The following IPP variants were observed in gnomAD, a reference collection of about 807,000 sequenced individuals.
IPP encodes intracisternal A particle-promoted polypeptide.
A neutral mutation model predicts 64.1 loss-of-function variants in IPP; 41 were observed. The observed-to-expected ratio is 0.64, with a 90% confidence interval of 0.50 to 0.83. IPP has a LOEUF of 0.83. IPP is among the 40% of genes least tolerant of loss of function. The pLI is 0.00. For missense variants in IPP, 649 were observed against 703.0 expected (o/e 0.92, Z 0.87); for synonymous variants, 214 against 235.2 (o/e 0.91, Z 0.83).
chr1:45,722,436 A>G (rs1645745948), intron 5 of IPP, among the ~76,000 whole-genome samples: 1 of 151,986 alleles, frequency 6.6e-6, no homozygotes, highest in African/African-American at 2.4e-5. Context: ...CTGTAATCCC[A>G]GCTACTTGGG....
At chr1:45,730,597 C>T (rs574815824) in intron 3 of IPP, among the ~76,000 whole-genome samples, 14 of 152,308 alleles carry the variant, frequency 9.2e-5, no homozygotes, top group Admixed American at 8.5e-4. Flanking sequence ...GTTGTCCTTG[C>T]TCAAGCATGC....
Position 45,698,871 on chromosome 1 carries a change from A to T in IPP, c.*1095T>A. On this transcript the variant is annotated 3_prime_UTR_variant, in exon 9 of 9. Coordinates refer to ENST00000396478, the MANE Select transcript of IPP (RefSeq NM_005897.3). ...GCAGATGGGACCACAGGTACAAGCC[A>T]CAACGCCCGGCTAATTTTTATATAT... 1 of 299,470 alleles carries T rather than the reference A, an allele frequency of 3.3e-6. No homozygotes were observed. Among genetic ancestry groups the T allele is most frequent in the Non-Finnish European group, 4.9e-6 (1 of 203,146 alleles). The allele number at this position is 299,470 out of a possible 1,614,324, so 18.6% of individuals were successfully genotyped here.
chr1:45,745,386 T>C (rs1375445549), intron 2 of IPP, among the ~76,000 whole-genome samples: 1 of 152,130 alleles, frequency 6.6e-6, no homozygotes, highest in African/African-American at 2.4e-5. Context: ...TCAAACAAAA[T>C]AGGGGTTTAT....
At position 45,746,229 on chromosome 1, in the gene IPP, G is replaced by A; in HGVS notation, c.183C>T (p.Tyr61=). ...HRLVLAASSP[Y]FAALFTGGMK... ...TTCCTCCAGTGAACAAAGCTGCAAA[G>A]TAAGGACTGCTGGCAGCCAAAACCA... is the stretch of plus-strand genomic sequence containing the variant. The change falls in exon 2 of 9, where the codon TAC becomes TAT. Residue 61 remains tyrosine, a synonymous_variant. Coordinates refer to ENST00000396478, the MANE Select transcript of IPP (RefSeq NM_005897.3). The A allele has an allele frequency of 6.2e-7, 1 of 1,614,150 alleles. No individual in the cohort carries two copies. The highest frequency in any genetic ancestry group is 8.5e-7 in the Non-Finnish European group (1 of 1,180,008).
chr1:45,724,663 G>T (rs1473030660), intron 5 of IPP, among the ~76,000 whole-genome samples: 2 of 142,100 alleles, frequency 1.4e-5, no homozygotes, highest in East Asian at 4.2e-4. Flanking sequence ...CGCCTCTGCC[G>T]GGCCGCAACC....
chr1:45,696,075 T>A (rs986887824), downstream of IPP, among the ~76,000 whole-genome samples: 2 of 152,240 alleles, frequency 1.3e-5, no homozygotes, highest in Non-Finnish European at 2.9e-5. Context: ...ATGAATGCTA[T>A]ACAAATTTAA....
In IPP at chr1:45,741,190, G is replaced by T. The variant is rs1646060562; in HGVS notation, c.435C>A (p.Phe145Leu). 6.2e-7 allele frequency: 1 copy of T among 1,614,024 alleles called. No homozygotes were observed. Among genetic ancestry groups the T allele is most frequent in the African/African-American group, 1.3e-5 (1 of 74,916 alleles). ...DPLNCIGIFQFSEQIACHDLL... is the reference protein window; with the variant it reads ...DPLNCIGIFQLSEQIACHDLL... ...GATCATGGCAGGCAATTTGCTCAGA[G>T]AACTGAAAAATTCCAATGCAGTTCA... Residue 145 changes from phenylalanine (F) to leucine (L), a missense_variant, in exon 3 of 9, where the codon TTC (phenylalanine) becomes TTA (leucine). Phe to Leu is a conservative substitution (Grantham distance 22). Transcript: ENST00000396478.
At chr1:45,731,418 T>C (rs930080616) in intron 3 of IPP, among the ~76,000 whole-genome samples, 1 of 152,190 alleles carries the variant, frequency 6.6e-6, no homozygotes, top group African/African-American at 2.4e-5. Context: ...ACAGTGTGAG[T>C]GACAGAGTGA....
At chr1:45,724,112 C>A (rs901874954) in intron 5 of IPP, among the ~76,000 whole-genome samples, 4 of 151,972 alleles carry the variant, frequency 2.6e-5, no homozygotes, top group Non-Finnish European at 5.9e-5. Context: ...CTGCCGAGCG[C>A]CTGCAATTGC....
At chr1:45,723,008 T>C (rs1039338739) in intron 5 of IPP, among the ~76,000 whole-genome samples, 6 of 152,192 alleles carry the variant, frequency 3.9e-5, no homozygotes, top group Admixed American at 2.0e-4. Context: ...CAGTGTTTCT[T>C]TCTGGGGTGA....
chr1:45,706,553 G>T (rs1013452316), intron 8 of IPP, among the ~76,000 whole-genome samples: 17 of 152,064 alleles, frequency 1.1e-4, no homozygotes, highest in African/African-American at 3.4e-4. Flanking sequence ...AGGTTGAAAC[G>T]ATTCTCCTCC....
chr1:45,724,231 GCCTTCGCCTC>G (rs1645774256), intron 5 of IPP, among the ~76,000 whole-genome samples: 1 of 152,220 alleles, frequency 6.6e-6, no homozygotes, highest in Admixed American at 6.5e-5. Context: ...TGATCCGCCA[GCCTTCGCCTC>G]CCGAGGTGCC....
chr1:45,740,441 C>T (rs1370292671), intron 3 of IPP, among the ~76,000 whole-genome samples: 2 of 152,128 alleles, frequency 1.3e-5, no homozygotes, highest in Admixed American at 6.5e-5. Context: ...GGCGGCTGGC[C>T]GGGCGGGGGG....
intron 4 of IPP, 84 bp downstream of exon 4, chr1:45,729,530 G>T: frequency 2.0e-6 from 2 of 1,024,974 alleles, no homozygotes; most frequent in Non-Finnish European, 3.0e-6. Flanking sequence ...ATTCTGACAT[G>T]TATAGTAATA....
At chr1:45,724,781 G>A (rs1645788076) in intron 5 of IPP, among the ~76,000 whole-genome samples, 1 of 151,188 alleles carries the variant, frequency 6.6e-6, no homozygotes, top group Non-Finnish European at 1.5e-5. Flanking sequence ...CCCTCCGCCC[G>A]GCAGCCGCCC....
downstream of IPP, chr1:45,694,658 G>A: frequency 1.7e-6 from 1 of 577,702 alleles, no homozygotes; most frequent in Admixed American, 3.3e-5. Context: ...GCAGTGTCAT[G>A]AGGGAAAGCC....
intron 8 of IPP, among the ~76,000 whole-genome samples, chr1:45,712,876 A>T (rs557598871): frequency 0.019 from 2,725 of 144,512 alleles, 42 homozygotes; most frequent in South Asian, 0.039. Flanking sequence ...AAAAAAAAAA[A>T]AAATATATAT....
At chr1:45,742,290 AAAATTATCTAC>A (rs1646077025) in intron 2 of IPP, among the ~76,000 whole-genome samples, 1 of 152,176 alleles carries the variant, frequency 6.6e-6, no homozygotes, top group African/African-American at 2.4e-5. Context: ...ACTGGGGGAC[AAAATTATCTAC>A]ATACCAAGCC....
At chr1:45,721,466 C>T (rs1370409879) in intron 5 of IPP, among the ~76,000 whole-genome samples, 1 of 152,242 alleles carries the variant, frequency 6.6e-6, no homozygotes, top group African/African-American at 2.4e-5. Flanking sequence ...GTTGTCACAA[C>T]TAATTGCTGA....
Sources: gnomAD v4.1 joint callset for allele counts (sites outside exome capture counted in the v4.1 genomes callset) on GRCh38, gnomAD v4.1.1 for gene constraint, MANE v1.5 for transcripts, NCBI Gene and HGNC (gene_info 2026-07-23, HGNC 2026-07-21) for gene names.